The following HLA-DQB2 variants were observed in gnomAD, a reference collection of about 807,000 sequenced individuals.
HLA-DQB2 encodes major histocompatibility complex, class II, DQ beta 2, also known as HLA class II histocompatibility antigen, DQ beta 2 chain.
In HLA-DQB2, 24 loss-of-function variants were observed where a neutral mutation model predicts 29.2. That is an observed-to-expected ratio of 0.82 (90% confidence interval 0.60 to 1.16). HLA-DQB2 has a LOEUF of 1.16. HLA-DQB2 is among the 50% of genes most tolerant of loss of function. The pLI, the probability that HLA-DQB2 is intolerant of heterozygous loss-of-function variation, is 0.00. For missense variants in HLA-DQB2, 273 were observed against 343.6 expected (o/e 0.79, Z 1.62); for synonymous variants, 104 against 133.1 (o/e 0.78, Z 1.51).
At chr6:32,761,617 C>A (rs1261163514) in intron 2 of HLA-DQB2, 43 bp downstream of exon 2, 3 of 1,513,176 alleles carry the variant, frequency 2.0e-6, no homozygotes, top group Admixed American at 2.0e-5. Context: ...GAGACTCGGG[C>A]CCCGGCCAAG....
intron 4 of HLA-DQB2, 75 bp downstream of exon 4, chr6:32,757,698 C>A (rs1469703081): frequency 2.3e-6 from 3 of 1,303,498 alleles, no homozygotes; most frequent in Admixed American, 4.0e-5. Flanking sequence ...AGAGCTACAT[C>A]TAGAGACAGA....
At chr6:32,757,343 C>T (rs1298860587) in intron 4 of HLA-DQB2, 39 bp from the exon 5 acceptor site, 3 of 1,400,688 alleles carry the variant, frequency 2.1e-6, no homozygotes, top group Non-Finnish European at 3.0e-6. Flanking sequence ...TCTTGTTAAA[C>T]AAACAACCAC....
intron 3 of HLA-DQB2, among the ~76,000 whole-genome samples, chr6:32,758,170 A>T (rs1764450312): frequency 6.6e-6 from 1 of 152,114 alleles, no homozygotes; most frequent in Non-Finnish European, 1.5e-5. Context: ...AGTAGTGTTG[A>T]TATGGTTTGA....
At chr6:32,757,600 C>T (rs1045656323) in intron 4 of HLA-DQB2, among the ~76,000 whole-genome samples, 173 bp downstream of exon 4, 6 of 133,018 alleles carry the variant, frequency 4.5e-5, no homozygotes, top group Admixed American at 7.5e-5. Context: ...GCTCTGGCAG[C>T]GCTACCATTC....
chr6:32,761,131 G>T (rs199811437), intron 2 of HLA-DQB2, among the ~76,000 whole-genome samples: 1 of 152,264 alleles, frequency 6.6e-6, no homozygotes, highest in Non-Finnish European at 1.5e-5. Flanking sequence ...GAAGCCAAAA[G>T]TTAAAATATC....
intron 2 of HLA-DQB2, 137 bp from the exon 3 acceptor site, chr6:32,759,268 CA>C: frequency 9.5e-7 from 1 of 1,053,104 alleles, no homozygotes; most frequent in Admixed American, 3.0e-5. Flanking sequence ...AAGGTTCCTT[CA>C]ACAAATATAA....
At chr6:32,761,225 T>C (rs1197009784) in intron 2 of HLA-DQB2, among the ~76,000 whole-genome samples, 8,285 of 113,618 alleles carry the variant, frequency 0.073, no homozygotes, top group East Asian at 0.17. Context: ...TGAAGCTTCC[T>C]GCGGCGCGAG....
At chr6:32,758,126 C>T (rs1764446539) in intron 3 of HLA-DQB2, among the ~76,000 whole-genome samples, 1 of 142,208 alleles carries the variant, frequency 7.0e-6, no homozygotes, top group South Asian at 2.2e-4. Context: ...CTAAGTCAGT[C>T]TCTCATAGCT....
At chr6:32,757,982 A>AGAT in intron 3 of HLA-DQB2, 99 bp from the exon 4 acceptor site, 1 of 1,090,328 alleles carries the variant, frequency 9.2e-7, no homozygotes, top group Non-Finnish European at 1.3e-6. Context: ...CTCCAGTCTG[A>AGAT]CCACCCTAGG....
intron 2 of HLA-DQB2, among the ~76,000 whole-genome samples, chr6:32,759,510 C>T (rs1453378065): frequency 6.7e-6 from 1 of 148,462 alleles, no homozygotes; most frequent in Non-Finnish European, 1.5e-5. Context: ...TCAAAAATGA[C>T]ACACCTTTCC....
chr6:32,762,577 A>G (rs538044769), intron 1 of HLA-DQB2, among the ~76,000 whole-genome samples: 1 of 152,076 alleles, frequency 6.6e-6, no homozygotes, highest in Admixed American at 6.6e-5. Context: ...TTTGAATTCT[A>G]TAGGGTCCAA....
At chr6:32,761,513 C>A (rs898914775) in intron 2 of HLA-DQB2, 147 bp downstream of exon 2, 2 of 878,442 alleles carry the variant, frequency 2.3e-6, no homozygotes. Context: ...TCCGATACTA[C>A]CCCAGCCTCC....
In HLA-DQB2 at chr6:32,757,855, C is replaced by G; in HGVS notation, c.675G>C (p.Lys225Asn). 1 of 1,613,638 alleles carries G rather than the reference C, an allele frequency of 6.2e-7. No homozygotes were observed. The change falls in exon 4 of 6, where the codon AAG becomes AAC. Residue 225 changes from lysine to asparagine, a missense_variant. Transcript: ENST00000437316. ...CGAAGCCTCCAATGCCACTCAGCAT[C>G]TTGCTCTGGGCAGATTCAGACTGAG... is the stretch of plus-strand genomic sequence containing the variant. The part of the protein sequence containing the change: ...WRAQSESAQS[K>N]MLSGIGGFVL...
chr6:32,759,709 C>T (rs1272426366), intron 2 of HLA-DQB2, among the ~76,000 whole-genome samples: 2 of 152,240 alleles, frequency 1.3e-5, no homozygotes, highest in Non-Finnish European at 2.9e-5. Context: ...TAGCTGCCTA[C>T]CCTACTCCAT....
intron 2 of HLA-DQB2, among the ~76,000 whole-genome samples, chr6:32,760,309 A>G (rs536895369): frequency 2.0e-4 from 30 of 152,266 alleles, no homozygotes; most frequent in Admixed American, 4.6e-4. Flanking sequence ...TCTTGTCAAA[A>G]TTGGCTTTAA....
intron 1 of HLA-DQB2, 43 bp from the exon 2 acceptor site, chr6:32,761,969 C>T (rs754380158): frequency 1.0e-5 from 16 of 1,569,626 alleles, no homozygotes; most frequent in Middle Eastern, 3.9e-4. Flanking sequence ...CAGCACGGCC[C>T]TAGCCCCAGC....
At chr6:32,762,047 G>T in intron 1 of HLA-DQB2, 121 bp from the exon 2 acceptor site, 3 of 1,295,986 alleles carry the variant, frequency 2.3e-6, no homozygotes, top group African/African-American at 1.5e-5. Flanking sequence ...CCGTCCACGC[G>T]AAATTGAGTT....
chr6:32,761,615 G>C (rs1214596385), intron 2 of HLA-DQB2, 45 bp downstream of exon 2: 1 of 1,512,340 alleles, frequency 6.6e-7, no homozygotes, highest in South Asian at 1.3e-5. Flanking sequence ...AAGAGACTCG[G>C]GCCCCGGCCA....
chr6:32,758,728 TCTC>T, intron 3 of HLA-DQB2, 119 bp downstream of exon 3: 1 of 1,156,640 alleles, frequency 8.6e-7, no homozygotes, highest in Non-Finnish European at 1.2e-6. Context: ...GGTGCTCTAG[TCTC>T]CTGTGATTCC....
Sources: allele counts gnomAD v4.1 joint callset (sites outside exome capture counted in the v4.1 genomes callset), GRCh38; gene constraint gnomAD v4.1.1; transcripts MANE v1.5; gene names NCBI Gene and HGNC (gene_info 2026-07-23, HGNC 2026-07-21).